GRB14: variants seen among roughly 807,000 people sequenced by gnomAD.
GRB14 encodes the protein growth factor receptor-bound protein 14.
Under a neutral mutation model 69.1 loss-of-function variants are expected in GRB14, and 38 were observed. The observed-to-expected ratio is 0.55, with a 90% CI of 0.42 to 0.72. The LOEUF (loss-of-function observed/expected upper bound fraction) is 0.72, where lower values mean the gene tolerates loss of function less well. GRB14 is among the 30% of genes least tolerant of loss of function. The pLI, the probability that GRB14 is intolerant of heterozygous loss-of-function variation, is 0.00. For missense variants in GRB14, 666 were observed against 666.1 expected (o/e 1.00, Z 0.00); for synonymous variants, 247 against 241.3 (o/e 1.02, Z -0.22).
In GRB14 at chr2:164,621,157, C is replaced by A. The variant is rs996846770; in HGVS notation, c.153G>T (p.Leu51=). Residue 51 remains leucine (L), a synonymous_variant, in exon 1 of 14, where the codon CTG becomes CTT. Transcript: ENST00000263915. This position sits in a 1 kb window ranked among gnomAD's most constrained non-coding sequence, Gnocchi z 6.0. ...AGCCGCGGGTCCCGTCCGGAAGGGGCAGGAGCGCTCGCGCGTGCAGCCAGG... is the reference window on the plus strand; with the variant it reads ...AGCCGCGGGTCCCGTCCGGAAGGGGAAGGAGCGCTCGCGCGTGCAGCCAGG... The part of the protein sequence containing the change: ...PAPWLHARAL[L]PLPDGTRGCA... 1.6e-6 allele frequency: 2 copies of A among 1,245,160 alleles called. No homozygotes were observed. The highest frequency in any genetic ancestry group is 3.1e-5 in the African/African-American group (2 of 64,424). 77.1% of individuals were successfully genotyped at this position (1,245,160 alleles called of 1,614,324 possible).
At chr2:164,524,766 A>G (rs892724051) in intron 5 of GRB14, among the ~76,000 whole-genome samples, 1 of 152,072 alleles carries the variant, frequency 6.6e-6, no homozygotes, top group Non-Finnish European at 1.5e-5. Flanking sequence ...ACATTTTTAA[A>G]TATGTAAAAT....
intron 2 of GRB14, among the ~76,000 whole-genome samples, chr2:164,551,571 C>T (rs769627447): frequency 1.3e-5 from 2 of 152,096 alleles, no homozygotes; most frequent in Admixed American, 6.6e-5. Context: ...TGACCCAAAC[C>T]AAATAAGACA....
At chr2:164,576,649 T>G (rs887469229) in intron 2 of GRB14, among the ~76,000 whole-genome samples, 19 of 151,792 alleles carry the variant, frequency 1.3e-4, no homozygotes, top group Admixed American at 6.6e-5. Flanking sequence ...AAACACTATA[T>G]ATCATATCTC....
chr2:164,499,325 A>G (rs1169903718), intron 9 of GRB14, among the ~76,000 whole-genome samples: 1 of 152,148 alleles, frequency 6.6e-6, no homozygotes, highest in African/African-American at 2.4e-5. Context: ...CACTACAAAT[A>G]AGGAACGTTT....
At chr2:164,576,705 C>T (rs1689260499) in intron 2 of GRB14, among the ~76,000 whole-genome samples, 6 of 151,006 alleles carry the variant, frequency 4.0e-5, no homozygotes, top group Admixed American at 4.0e-4. Flanking sequence ...AGCTTAAATA[C>T]AGGTATATTA....
chr2:164,522,017 C>T lies in GRB14; in HGVS notation c.779G>A (p.Arg260Lys), dbSNP rs372128582. 5.6e-6 allele frequency: 9 copies of T among 1,603,970 alleles called. No homozygotes were observed. In the African/African-American group the frequency reaches 1.2e-4, roughly 22 times the overall value. Residue 260 changes from arginine (R) to lysine (K), a missense_variant, in exon 6 of 14, where the codon AGA becomes AAA. Coordinates refer to ENST00000263915, the MANE Select transcript of GRB14 (RefSeq NM_004490.3). ...SWKKIYFFLRRSGLYFSTKGT... is the reference protein window; with the variant it reads ...SWKKIYFFLRKSGLYFSTKGT... Reference sequence around the variant, plus strand: ...TTTAGTAGAAAAATATAAACCAGATCTTCTTAGAAAAAAGTAAATTTTTTT... The same window carrying T: ...TTTAGTAGAAAAATATAAACCAGATTTTCTTAGAAAAAAGTAAATTTTTTT...
At chr2:164,617,217 G>C (rs1690318751) in intron 2 of GRB14, among the ~76,000 whole-genome samples, 1 of 152,128 alleles carries the variant, frequency 6.6e-6, no homozygotes, top group South Asian at 2.1e-4. Context: ...AGATCAGCAA[G>C]AAGGGCCCTT....
At chr2:164,538,842 T>C (rs1316314491) in intron 3 of GRB14, among the ~76,000 whole-genome samples, 2 of 152,198 alleles carry the variant, frequency 1.3e-5, no homozygotes, top group African/African-American at 4.8e-5. Flanking sequence ...TATCTGGCTC[T>C]GCTATAAGGT....
chr2:164,501,669 C>T (rs1687055986), intron 9 of GRB14, among the ~76,000 whole-genome samples: 1 of 151,998 alleles, frequency 6.6e-6, no homozygotes, highest in Non-Finnish European at 1.5e-5. Flanking sequence ...TAACACACGA[C>T]CTATATTTTG....
chr2:164,507,523 T>C (rs891189517), intron 8 of GRB14, among the ~76,000 whole-genome samples: 1 of 152,206 alleles, frequency 6.6e-6, no homozygotes, highest in African/African-American at 2.4e-5. Context: ...ATTGGCAAAT[T>C]ATATTAGTGC....
At chr2:164,573,435 C>A (rs974964753) in intron 2 of GRB14, among the ~76,000 whole-genome samples, 1 of 152,204 alleles carries the variant, frequency 6.6e-6, no homozygotes, top group African/African-American at 2.4e-5. Flanking sequence ...CTTTCACTAT[C>A]TGACACAGCT....
intron 2 of GRB14, among the ~76,000 whole-genome samples, chr2:164,597,993 G>A (rs1039752624): frequency 6.6e-6 from 1 of 151,844 alleles, no homozygotes; most frequent in Admixed American, 6.6e-5. Context: ...TAACCAACAA[G>A]AAGTCCTGAA....
At chr2:164,573,083 A>G (rs557080721) in intron 2 of GRB14, among the ~76,000 whole-genome samples, 2 of 152,304 alleles carry the variant, frequency 1.3e-5, no homozygotes, top group South Asian at 4.1e-4. Flanking sequence ...AATTTTTTTT[A>G]GGACTTAAAC....
chr2:164,539,273 A>G (rs1688171240), intron 3 of GRB14, among the ~76,000 whole-genome samples: 2 of 152,154 alleles, frequency 1.3e-5, no homozygotes, highest in South Asian at 2.1e-4. Flanking sequence ...TCAGGAGTTC[A>G]AGACCAGCCT....
At chr2:164,524,088 T>C (rs1353349591) in intron 5 of GRB14, among the ~76,000 whole-genome samples, 3 of 152,034 alleles carry the variant, frequency 2.0e-5, no homozygotes, top group African/African-American at 4.8e-5. Flanking sequence ...AGCACAAAAA[T>C]GAAATATAAC....
intron 2 of GRB14, among the ~76,000 whole-genome samples, chr2:164,608,238 G>A (rs568675125): frequency 1.6e-4 from 24 of 152,006 alleles, no homozygotes; most frequent in East Asian, 3.9e-4. Context: ...CAGGTGTGGC[G>A]GCGAGTGCCC....
chr2:164,573,828 C>T, intron 2 of GRB14: 14 of 1,612,818 alleles, frequency 8.7e-6, no homozygotes, highest in Non-Finnish European at 1.2e-5. Context: ...AACATGACTC[C>T]AGAAGAAGCT....
At chr2:164,617,457 C>G (rs761340389) in intron 2 of GRB14, among the ~76,000 whole-genome samples, 2 of 151,900 alleles carry the variant, frequency 1.3e-5, no homozygotes, top group Non-Finnish European at 2.9e-5. Flanking sequence ...TAAACCTGAT[C>G]TGAGGAAATG....
chr2:164,500,823 C>A (rs1397673146), intron 9 of GRB14, among the ~76,000 whole-genome samples: 1 of 152,016 alleles, frequency 6.6e-6, no homozygotes, highest in Non-Finnish European at 1.5e-5. Flanking sequence ...ACATCTAGAT[C>A]AATAGCAGCA....
Sources: gnomAD v4.1 joint callset for allele counts (sites outside exome capture counted in the v4.1 genomes callset) on GRCh38, gnomAD v4.1.1 for gene constraint, Gnocchi (gnomAD v3.1) non-coding constraint, MANE v1.5 for transcripts, NCBI Gene and HGNC (gene_info 2026-07-23, HGNC 2026-07-21) for gene names.